Variants in SKIL observed in about 807,000 individuals in gnomAD.
The protein encoded by SKIL is ski-like protein.
SKIL carries 20 observed loss-of-function variants against 69.6 expected under a neutral mutation model. The observed-to-expected ratio is 0.29, with a 90% CI of 0.20 to 0.42. SKIL has a LOEUF of 0.42. Among genes scored for constraint, SKIL ranks in the 10% least tolerant of loss-of-function variants. The probability of loss-of-function intolerance (pLI) is 1.00; values close to 1 mark genes in which losing one functional copy is unlikely to be tolerated. For missense variants in SKIL, 745 were observed against 783.1 expected (o/e 0.95, Z 0.58); for synonymous variants, 310 against 279.9 (o/e 1.11, Z -1.08).
Position 170,360,096 on chromosome 3 carries a change from TTTA to T in SKIL, c.-229_-227del, listed in dbSNP as rs1490966451. 4.9e-6 allele frequency: 2 copies of T among 410,436 alleles called. No individual in the cohort carries two copies. The highest frequency in any genetic ancestry group is 2.1e-5 in the African/African-American group (1 of 48,550). The allele number at this position is 410,436 out of a possible 1,614,324, so 25.4% of individuals were successfully genotyped here. On this transcript the variant is annotated 5_prime_UTR_variant, in exon 2 of 7. Coordinates refer to ENST00000259119, the MANE Select transcript of SKIL (RefSeq NM_005414.5). ...CATCCTCAGAGGTGTGCCTCTTTTC[TTTA>T]TTATTAGAGGCAAAACGAACAATTT...
chr3:170,370,922 G>A (rs1577419826), intron 2 of SKIL, among the ~76,000 whole-genome samples: 1 of 151,894 alleles, frequency 6.6e-6, no homozygotes, highest in East Asian at 1.9e-4. Flanking sequence ...TCCAAGCTTG[G>A]GCAACAGAGC....
At chr3:170,364,120 T>G (rs1200408534) in intron 2 of SKIL, among the ~76,000 whole-genome samples, 2 of 151,998 alleles carry the variant, frequency 1.3e-5, no homozygotes, top group Admixed American at 6.6e-5. Context: ...CCAGCTAATT[T>G]CTTTTGTATT....
intron 2 of SKIL, among the ~76,000 whole-genome samples, chr3:170,366,718 C>CACACACACAG (rs1736547732): frequency 6.6e-6 from 1 of 151,634 alleles, no homozygotes; most frequent in South Asian, 2.1e-4. Context: ...CACACACATA[C>CACACACACAG]TTGATTTTAG....
intron 2 of SKIL, among the ~76,000 whole-genome samples, chr3:170,367,385 C>T (rs1736583085): frequency 6.6e-6 from 1 of 152,086 alleles, no homozygotes; most frequent in African/African-American, 2.4e-5. Context: ...GCGTGAGCCA[C>T]TGCGCCTGGC....
intron 1 of SKIL, among the ~76,000 whole-genome samples, chr3:170,358,283 G>C (rs879570114): frequency 7.9e-5 from 12 of 152,016 alleles, no homozygotes; most frequent in African/African-American, 1.2e-4. Context: ...AGGGTGCGCG[G>C]GGGGGTGGAT....
chr3:170,370,584 G>C (rs976193832), intron 2 of SKIL, among the ~76,000 whole-genome samples: 1 of 151,788 alleles, frequency 6.6e-6, no homozygotes, highest in Non-Finnish European at 1.5e-5. Flanking sequence ...AGTTACCAGT[G>C]ATTCTCGAAG....
chr3:170,387,933 CA>C (rs541166783), intron 4 of SKIL, among the ~76,000 whole-genome samples: 28 of 51,084 alleles, frequency 5.5e-4, no homozygotes, highest in African/African-American at 1.4e-3. Context: ...GACTCCGTCT[CA>C]AAAAAAAAAA....
chr3:170,366,128 A>C (rs1215993579), intron 2 of SKIL, among the ~76,000 whole-genome samples: 3 of 151,136 alleles, frequency 2.0e-5, no homozygotes, highest in African/African-American at 7.3e-5. Context: ...GTTTGGTGTG[A>C]ATACTGACAT....
At chr3:170,390,178 T>G in intron 4 of SKIL, 45 bp from the exon 5 acceptor site, 2 of 1,392,856 alleles carry the variant, frequency 1.4e-6, no homozygotes, top group Non-Finnish European at 2.0e-6. Flanking sequence ...ATTTTTTTAA[T>G]GGAGTGATAT....
At chr3:170,366,219 C>A in intron 2 of SKIL, among the ~76,000 whole-genome samples, 1 of 151,246 alleles carries the variant, frequency 6.6e-6, no homozygotes, top group African/African-American at 2.4e-5. Flanking sequence ...GTAAGTTGTT[C>A]GAAATGAAAC....
chr3:170,395,442 G>C lies in SKIL; in HGVS notation c.*3025G>C, dbSNP rs1027301414. 1 of 151,990 alleles carries C rather than the reference G, an allele frequency of 6.6e-6. No individual in the cohort carries two copies. Among genetic ancestry groups the C allele is most frequent in the Non-Finnish European group, 1.5e-5 (1 of 67,932 alleles). The allele number at this position is 151,990 out of a possible 1,614,324, so 9.4% of individuals were successfully genotyped here. On this transcript the variant is annotated 3_prime_UTR_variant, in exon 7 of 7. Transcript: ENST00000259119. ...TACCAGTTAAGATATAAAATCATTT[G>C]TACATAGCGAATTGTAAAGCAGCTA...
chr3:170,358,341 G>A (rs1736044392), intron 1 of SKIL, among the ~76,000 whole-genome samples: 1 of 151,474 alleles, frequency 6.6e-6, no homozygotes, highest in South Asian at 2.1e-4. Context: ...TGTTGGGAGG[G>A]CACTTGGGGT....
Position 170,394,945 on chromosome 3 carries a change from G to A in SKIL, c.*2528G>A, listed in dbSNP as rs1047547519. 4 of 152,068 alleles carry A rather than the reference G, an allele frequency of 2.6e-5. No individual in the cohort carries two copies. Among genetic ancestry groups the A allele is most frequent in the Admixed American group, 2.0e-4 (3 of 15,268 alleles). 9.4% of individuals were successfully genotyped at this position (152,068 alleles called of 1,614,324 possible). On this transcript the variant is annotated 3_prime_UTR_variant, in exon 7 of 7. Transcript: ENST00000259119. ...TGGTTGCTAGCTTAAAGTTTGATTT[G>A]TTGTTACTCTTTGTGTGCCAAATTC... is the stretch of plus-strand genomic sequence containing the variant.
intron 2 of SKIL, among the ~76,000 whole-genome samples, chr3:170,366,819 TTAAAC>T (rs1438351174): frequency 6.6e-6 from 1 of 152,236 alleles, no homozygotes; most frequent in African/African-American, 2.4e-5. Context: ...TTATTTTACT[TTAAAC>T]TGTATAAATA....
At chr3:170,392,006 C>T (rs1257345860) in intron 6 of SKIL, among the ~76,000 whole-genome samples, 3 of 152,044 alleles carry the variant, frequency 2.0e-5, no homozygotes, top group African/African-American at 7.2e-5. Context: ...CTGTGATGAG[C>T]GGTATAGTAA....
At chr3:170,369,958 G>C (rs1434962392) in intron 2 of SKIL, among the ~76,000 whole-genome samples, 1 of 152,096 alleles carries the variant, frequency 6.6e-6, no homozygotes, top group South Asian at 2.1e-4. Flanking sequence ...TTTGCTTCCG[G>C]CTGCGCGCGG....
At chr3:170,365,491 A>G (rs1736455674) in intron 2 of SKIL, among the ~76,000 whole-genome samples, 1 of 152,198 alleles carries the variant, frequency 6.6e-6, no homozygotes, top group South Asian at 2.1e-4. Flanking sequence ...CATATCGTGC[A>G]CATATTCCAG....
At position 170,392,634 on chromosome 3, in the gene SKIL, A is replaced by G; in HGVS notation, c.*217A>G. On this transcript the variant is annotated 3_prime_UTR_variant, in exon 7 of 7. Transcript: ENST00000259119. The stretch of plus-strand genomic sequence containing the variant: ...GTATGTTTCTTTGTACTTTTTTAAA[A>G]AAATCAGCTTAGTAACAATACTATA... The G allele has an allele frequency of 3.1e-6, 1 of 325,710 alleles. No individual in the cohort carries two copies. Among genetic ancestry groups the G allele is most frequent in the Non-Finnish European group, 5.6e-6 (1 of 179,054 alleles). The allele number at this position is 325,710 out of a possible 1,614,324, so 20.2% of individuals were successfully genotyped here. A position where few individuals can be genotyped will look rare whatever the true frequency, so the allele number is the denominator to read the frequency against.
intron 2 of SKIL, among the ~76,000 whole-genome samples, chr3:170,363,265 C>T (rs759160216): frequency 2.0e-5 from 3 of 152,092 alleles, no homozygotes; most frequent in African/African-American, 7.2e-5. Context: ...TTGGACTAGT[C>T]CTTAAGACTT....
Sources: gnomAD v4.1 joint callset for allele counts (sites outside exome capture counted in the v4.1 genomes callset) on GRCh38, gnomAD v4.1.1 for gene constraint, MANE v1.5 for transcripts, NCBI Gene and HGNC (gene_info 2026-07-23, HGNC 2026-07-21) for gene names.